Variants in RPS6KC1 observed in about 807,000 individuals in gnomAD.
RPS6KC1 encodes the protein ribosomal protein S6 kinase C1.
In RPS6KC1, 54 loss-of-function variants were observed where a neutral mutation model predicts 103.8. The ratio of observed to expected loss-of-function variants is 0.52; its 90% CI spans 0.42 to 0.65. The LOEUF (loss-of-function observed/expected upper bound fraction) is 0.65, where lower values mean the gene tolerates loss of function less well. Among genes scored for constraint, RPS6KC1 ranks in the 30% least tolerant of loss-of-function variants. The pLI is 0.00. For synonymous variants in RPS6KC1, 439 were observed against 438.7 expected (o/e 1.00, Z -0.01); for missense variants, 1,151 against 1,253.8 (o/e 0.92, Z 1.24).
chr1:213,834,697 C>CACACACACACGT, the RPS6KC1 span, among the ~76,000 whole-genome samples: 1 of 149,012 alleles, frequency 6.7e-6, no homozygotes, highest in Non-Finnish European at 1.5e-5. Context: ...CTCAAACACA[C>CACACACACACGT]ACACACACAC....
intron 6 of RPS6KC1, among the ~76,000 whole-genome samples, chr1:213,152,212 G>T (rs1245035269): frequency 7.0e-6 from 1 of 142,044 alleles, no homozygotes; most frequent in African/African-American, 2.6e-5. Context: ...TGGACGGGGC[G>T]GCTGGCCGGG....
the RPS6KC1 span, among the ~76,000 whole-genome samples, chr1:213,703,672 T>G: frequency 6.6e-6 from 1 of 152,204 alleles, no homozygotes; most frequent in Admixed American, 6.5e-5. Context: ...CGTTCTCTCC[T>G]GGTTTGTAAG....
chr1:213,090,990 A>G lies in RPS6KC1; in HGVS notation c.262+13174A>G, dbSNP rs1001137664. Among the ~76,000 whole-genome samples the G allele has an allele frequency of 4.6e-5, 7 of 152,186 alleles. No homozygotes were observed. The East Asian group carries it at 9.6e-4, about 21-fold the overall frequency. ...CTGTTTCTGTATTCAGCCTGTTGAG[A>G]TATGTTATTTTGGTTGAAGTACATG... On this transcript the variant is annotated intron_variant, in intron 3 of 14. Coordinates refer to ENST00000366960, the MANE Select transcript of RPS6KC1 (RefSeq NM_012424.6).
chr1:213,483,394 C>T, the RPS6KC1 span, among the ~76,000 whole-genome samples: 3 of 152,148 alleles, frequency 2.0e-5, no homozygotes, highest in African/African-American at 7.2e-5. Flanking sequence ...ATGGATATAA[C>T]ACAATTTGTT....
At chr1:213,561,851 G>A in the RPS6KC1 span, among the ~76,000 whole-genome samples, 115 of 152,306 alleles carry the variant, frequency 7.6e-4, 1 homozygote, top group African/African-American at 2.7e-3. Context: ...ACTCTACCTG[G>A]ATGTGTCTAC....
chr1:213,655,218 T>G, the RPS6KC1 span, among the ~76,000 whole-genome samples: 1,178 of 152,298 alleles, frequency 7.7e-3, 8 homozygotes, highest in Non-Finnish European at 0.012. Flanking sequence ...AATTTTTGTA[T>G]TTTTAGTAGA....
At chr1:213,627,111 G>A in the RPS6KC1 span, among the ~76,000 whole-genome samples, 1 of 152,146 alleles carries the variant, frequency 6.6e-6, no homozygotes, top group Non-Finnish European at 1.5e-5. Context: ...TTGAGCAATG[G>A]TTTGTGGTTC....
At position 213,068,873 on chromosome 1, in the gene RPS6KC1, ATGTGTGTGTGTG is replaced by A. The variant is rs60259563; in HGVS notation, c.106-2103_106-2092del. Among the ~76,000 whole-genome samples the A allele has an allele frequency of 1.8e-3, 226 of 127,390 alleles. 1 individual carries two copies. The highest frequency in any genetic ancestry group is 5.6e-3 in the African/African-American group (185 of 32,862). The allele number at this position is 127,390 out of a possible 152,430, so 83.6% of individuals were successfully genotyped here. Reference sequence around the variant, plus strand: ...ACCAAAAAAAAAAAAAAGTGTATATATGTGTGTGTGTGTGTGTGTGTGTGTGTGTGTGTGTGT... The same window carrying A: ...ACCAAAAAAAAAAAAAAGTGTATATATGTGTGTGTGTGTGTGTGTGTGTGT... On this transcript the variant is annotated intron_variant, in intron 1 of 14. Coordinates refer to ENST00000366960, the MANE Select transcript of RPS6KC1 (RefSeq NM_012424.6).
At chr1:213,552,116 C>G in the RPS6KC1 span, among the ~76,000 whole-genome samples, 1 of 152,224 alleles carries the variant, frequency 6.6e-6, no homozygotes, top group Admixed American at 6.5e-5. Flanking sequence ...AAGGACATCA[C>G]ATTCATTTCC....
At chr1:213,061,608 T>C (rs1249784122) in intron 1 of RPS6KC1, among the ~76,000 whole-genome samples, 2 of 151,292 alleles carry the variant, frequency 1.3e-5, no homozygotes, top group Non-Finnish European at 2.9e-5. Flanking sequence ...TTTTTTTGTA[T>C]GTATGAAGTC....
chr1:213,305,737 A>G, the RPS6KC1 span, among the ~76,000 whole-genome samples: 2 of 152,218 alleles, frequency 1.3e-5, no homozygotes, highest in East Asian at 1.9e-4. Flanking sequence ...ATATATTACT[A>G]TAAACTTCCC....
the RPS6KC1 span, among the ~76,000 whole-genome samples, chr1:213,814,316 T>G: frequency 6.6e-6 from 1 of 152,178 alleles, no homozygotes; most frequent in Non-Finnish European, 1.5e-5. Context: ...ACGGGAGCAG[T>G]AAACCTCTTG....
chr1:213,248,913 A>AGAGGT (rs1490172092), intron 12 of RPS6KC1, among the ~76,000 whole-genome samples: 1 of 152,222 alleles, frequency 6.6e-6, no homozygotes, highest in African/African-American at 2.4e-5. Flanking sequence ...TTGATACAGA[A>AGAGGT]GAGGTGAAAA....
At chr1:213,123,784 T>C (rs2084668839) in intron 5 of RPS6KC1, among the ~76,000 whole-genome samples, 1 of 152,166 alleles carries the variant, frequency 6.6e-6, no homozygotes, top group South Asian at 2.1e-4. Context: ...ACTATGGCAA[T>C]ATTTGAACCT....
intron 12 of RPS6KC1, among the ~76,000 whole-genome samples, chr1:213,259,842 G>A (rs899256939): frequency 1.4e-5 from 2 of 147,044 alleles, no homozygotes; most frequent in Admixed American, 1.4e-4. Flanking sequence ...GGGTTCAAGC[G>A]ATTCTCCTGC....
At chr1:213,545,091 C>G in the RPS6KC1 span, among the ~76,000 whole-genome samples, 553 of 152,226 alleles carry the variant, frequency 3.6e-3, 2 homozygotes, top group African/African-American at 0.013. Flanking sequence ...TTCAGCTGGG[C>G]GCTCTGGCTA....
At chr1:213,361,395 G>A in the RPS6KC1 span, among the ~76,000 whole-genome samples, 1 of 152,266 alleles carries the variant, frequency 6.6e-6, no homozygotes, top group Non-Finnish European at 1.5e-5. Flanking sequence ...TGTTTGCTAA[G>A]ACCATTGGAA....
chr1:213,215,133 AAGATT>A (rs1349681876), intron 8 of RPS6KC1, among the ~76,000 whole-genome samples: 1 of 152,218 alleles, frequency 6.6e-6, no homozygotes, highest in Admixed American at 6.5e-5. Flanking sequence ...ACCCTGAAAA[AAGATT>A]AGACGAATGG....
the RPS6KC1 span, among the ~76,000 whole-genome samples, chr1:213,318,916 T>A: frequency 1.3e-5 from 2 of 152,204 alleles, no homozygotes; most frequent in African/African-American, 4.8e-5. Context: ...TAGGGCTCTC[T>A]CCTAAGGAGT....
Sources: gnomAD v4.1 joint callset for allele counts (sites outside exome capture counted in the v4.1 genomes callset) on GRCh38, gnomAD v4.1.1 for gene constraint, MANE v1.5 for transcripts, NCBI Gene and HGNC (gene_info 2026-07-23, HGNC 2026-07-21) for gene names.